The following GRIK2 variants were observed in gnomAD, a reference collection of about 807,000 sequenced individuals.
The protein encoded by GRIK2 is glutamate receptor ionotropic, kainate 2.
A neutral mutation model predicts 100.3 loss-of-function variants in GRIK2; 32 were observed. The ratio of observed to expected loss-of-function variants is 0.32; its 90% confidence interval spans 0.24 to 0.43. GRIK2 has a LOEUF of 0.43. Ranked by LOEUF, GRIK2 falls within the 20% of genes least tolerant of loss-of-function variation. GRIK2 has a pLI of 1.00. For synonymous variants in GRIK2, 417 were observed against 389.4 expected, an observed-to-expected ratio of 1.07 and a Z score of -0.83; for missense variants, 843 against 1,114.9, an observed-to-expected ratio of 0.76 and a Z score of 3.47.
In GRIK2 at chr6:101,476,968, A is replaced by G. The variant is rs146728953; in HGVS notation, c.115+77576A>G. On this transcript the variant is annotated intron_variant, in intron 2 of 16. Transcript: ENST00000369134. ...TTCGAGTCTTAAGCAATGGTTTACC[A>G]TACCAGAGTAGCAAACAATGGTTAA... Among the ~76,000 whole-genome samples the G allele has an allele frequency of 5.7e-3, 870 of 152,324 alleles. 7 individuals carry two copies. Among genetic ancestry groups the G allele is most frequent in the African/African-American group, 0.02 (813 of 41,568 alleles).
rs1777888952 is a variant in GRIK2 at position 101,578,402 on chromosome 6, C to A, written c.116-43547C>A. Among the ~76,000 whole-genome samples, 4 of 152,224 alleles carry A rather than the reference C, an allele frequency of 2.6e-5. No individual in the cohort carries two copies. In the South Asian group the frequency reaches 8.3e-4, roughly 32 times the overall value. ...TAGTCTTGGCATTGAACTGACATTTCATTTTGTTTGAGTCTCAGTTCCACT... is the reference window on the plus strand; with the variant it reads ...TAGTCTTGGCATTGAACTGACATTTAATTTTGTTTGAGTCTCAGTTCCACT... On this transcript the variant is annotated intron_variant, in intron 2 of 16. Coordinates refer to ENST00000369134, the MANE Select transcript of GRIK2 (RefSeq NM_021956.5).
chr6:101,704,222 G>A (rs1773099567), intron 7 of GRIK2, among the ~76,000 whole-genome samples: 1 of 151,618 alleles, frequency 6.6e-6, no homozygotes, highest in East Asian at 1.9e-4. Flanking sequence ...CCATGATGGA[G>A]AATAAGACCT....
At chr6:101,461,470 C>G (rs1771304410) in intron 2 of GRIK2, among the ~76,000 whole-genome samples, 1 of 152,180 alleles carries the variant, frequency 6.6e-6, no homozygotes, top group African/African-American at 2.4e-5. Context: ...TTATGGCCCA[C>G]TTCCTCTATC....
At chr6:102,004,754 A>G (rs927761544) in intron 14 of GRIK2, among the ~76,000 whole-genome samples, 4 of 151,960 alleles carry the variant, frequency 2.6e-5, no homozygotes, top group Admixed American at 2.0e-4. Flanking sequence ...TTAGAATCAG[A>G]GTATAATGTG....
Position 101,986,430 on chromosome 6 carries a change from G to A in GRIK2, c.2086-48911G>A, listed in dbSNP as rs975885992. ...TTTACTAGTTACTTTACCTGAGCTA[G>A]CCAAACATTACTCAGTTTTCATATT... On this transcript the variant is annotated intron_variant, in intron 14 of 16. Transcript: ENST00000369134. Among the ~76,000 whole-genome samples the A allele has an allele frequency of 4.6e-5, 7 of 151,928 alleles. No individual in the cohort carries two copies. The East Asian group carries it at 7.8e-4, about 17-fold the overall frequency.
chr6:102,066,016 T>C, intron 16 of GRIK2: 1 of 643,026 alleles, frequency 1.6e-6, no homozygotes, highest in South Asian at 3.6e-5. Flanking sequence ...AATTCATGAA[T>C]TGCAGAACTG....
chr6:101,636,929 A>T (rs1424225534), intron 4 of GRIK2, among the ~76,000 whole-genome samples: 1 of 152,034 alleles, frequency 6.6e-6, no homozygotes, highest in Non-Finnish European at 1.5e-5. Context: ...CTATGTGGTG[A>T]AGTGGGAAGG....
Position 102,068,564 on chromosome 6 carries a change from T to G in GRIK2, c.*53T>G, listed in dbSNP as rs1033480084. 6.6e-7 allele frequency: 1 copy of G among 1,518,176 alleles called. No individual in the cohort carries two copies. The highest frequency in any genetic ancestry group is 9.1e-7 in the Non-Finnish European group (1 of 1,104,142). 94.0% of individuals were successfully genotyped at this position (1,518,176 alleles called of 1,614,324 possible). On this transcript the variant is annotated 3_prime_UTR_variant, in exon 17 of 17. Transcript: ENST00000369134. ...AACTGTCGTCTTTTTCCAAACAATT[T>G]AGCCAGAATGTTTCCTGTGGAAATA...
chr6:101,566,536 C>A (rs1403589757), intron 2 of GRIK2, among the ~76,000 whole-genome samples: 1 of 151,406 alleles, frequency 6.6e-6, no homozygotes, highest in African/African-American at 2.4e-5. Flanking sequence ...TTTTGAATTT[C>A]AAGAAATTAG....
intron 10 of GRIK2, among the ~76,000 whole-genome samples, chr6:101,846,361 A>G (rs1783811764): frequency 6.6e-6 from 1 of 152,108 alleles, no homozygotes; most frequent in African/African-American, 2.4e-5. Context: ...TATCAACTTC[A>G]TTCATTTACA....
intron 14 of GRIK2, among the ~76,000 whole-genome samples, chr6:101,976,198 G>A (rs1793368342): frequency 6.6e-6 from 1 of 151,744 alleles, no homozygotes. Flanking sequence ...GTAAACATAG[G>A]GCAATTTTGA....
At chr6:101,420,487 G>A (rs1776360245) in intron 2 of GRIK2, among the ~76,000 whole-genome samples, 2 of 152,086 alleles carry the variant, frequency 1.3e-5, no homozygotes, top group South Asian at 4.1e-4. Context: ...CTTAAAATGT[G>A]GCCTCTGGAC....
intron 7 of GRIK2, among the ~76,000 whole-genome samples, chr6:101,770,997 A>G (rs1432019278): frequency 6.6e-6 from 1 of 152,110 alleles, no homozygotes; most frequent in Non-Finnish European, 1.5e-5. Context: ...TTATGTACCT[A>G]TTATATTGTC....
chr6:101,960,048 G>GTTTTTTTTTTTTTTTTTTT (rs3029100), intron 14 of GRIK2, among the ~76,000 whole-genome samples: 1 of 118,266 alleles, frequency 8.5e-6, no homozygotes, highest in Non-Finnish European at 1.7e-5. Flanking sequence ...TTTTTTTAGT[G>GTTTTTTTTTTTTTTTTTTT]TTTTGTTTTT....
intron 12 of GRIK2, among the ~76,000 whole-genome samples, chr6:101,923,681 G>A (rs1006098240): frequency 2.6e-5 from 4 of 152,078 alleles, no homozygotes; most frequent in East Asian, 1.9e-4. Context: ...AGCACTTTGG[G>A]AGGCCCAGGC....
At chr6:102,015,117 G>A (rs1396662548) in intron 14 of GRIK2, among the ~76,000 whole-genome samples, 1 of 152,002 alleles carries the variant, frequency 6.6e-6, no homozygotes, top group African/African-American at 2.4e-5. Context: ...AGGAATCTGG[G>A]TGCTCCTATG....
At chr6:101,444,064 GGTTTTTTTGTTT>G (rs764862845) in intron 2 of GRIK2, among the ~76,000 whole-genome samples, 15 of 142,706 alleles carry the variant, frequency 1.1e-4, no homozygotes, top group Non-Finnish European at 1.2e-4. Flanking sequence ...TGATTTTCCG[GGTTTTTTTGTTT>G]GTTTGTTTGT....
At chr6:101,990,099 G>T (rs1794274571) in intron 14 of GRIK2, among the ~76,000 whole-genome samples, 1 of 151,320 alleles carries the variant, frequency 6.6e-6, no homozygotes, top group South Asian at 2.1e-4. Flanking sequence ...ATTTTGTTCT[G>T]TGTGGCCCCT....
At chr6:101,918,691 A>C (rs1429420457) in intron 12 of GRIK2, among the ~76,000 whole-genome samples, 1 of 151,734 alleles carries the variant, frequency 6.6e-6, no homozygotes, top group Admixed American at 6.6e-5. Context: ...CAAAGTATGT[A>C]TTTGGCTGGA....
Sources: allele counts gnomAD v4.1 joint callset (sites outside exome capture counted in the v4.1 genomes callset), GRCh38; gene constraint gnomAD v4.1.1; transcripts MANE v1.5; gene names NCBI Gene and HGNC (gene_info 2026-07-23, HGNC 2026-07-21).